The following PRCP variants were observed in gnomAD, a reference collection of about 807,000 sequenced individuals.
PRCP encodes the protein prolylcarboxypeptidase, also known as lysosomal Pro-X carboxypeptidase.
In PRCP, 46 loss-of-function variants were observed where a neutral mutation model predicts 54.2. That is an observed-to-expected ratio of 0.85 (90% CI 0.67 to 1.09). PRCP has a LOEUF of 1.09. Ranked by LOEUF, PRCP falls within the 50% of genes least tolerant of loss-of-function variation. The pLI is 0.00. For synonymous variants in PRCP, 240 were observed against 212.2 expected, an observed-to-expected ratio of 1.13 and a Z score of -1.14; for missense variants, 613 against 596.8, an observed-to-expected ratio of 1.03 and a Z score of -0.28.
At chr11:82,893,324 C>A (rs1000074086) in intron 1 of PRCP, among the ~76,000 whole-genome samples, 5 of 152,138 alleles carry the variant, frequency 3.3e-5, no homozygotes, top group Non-Finnish European at 5.9e-5. Flanking sequence ...GGTTAAGTGA[C>A]CGAAATTCAT....
intron 1 of PRCP, among the ~76,000 whole-genome samples, chr11:82,877,284 G>A (rs1481585699): frequency 6.6e-6 from 1 of 152,244 alleles, no homozygotes; most frequent in Non-Finnish European, 1.5e-5. Context: ...GCCTGACGAT[G>A]CAGTAGAAAA....
At chr11:82,885,716 C>A (rs1859848488) in intron 1 of PRCP, among the ~76,000 whole-genome samples, 1 of 152,184 alleles carries the variant, frequency 6.6e-6, no homozygotes, top group Non-Finnish European at 1.5e-5. Flanking sequence ...ACCTTTCACT[C>A]TTCCAAGAGT....
chr11:82,860,109 A>G lies in PRCP; in HGVS notation c.177T>C (p.His59=). ...AAGTTTTCACAGTATTAAATCCAAA[A>G]TGATCAACCTGTGATAAAAACAAAA... ...SVLYFQQKVD[H]FGFNTVKTFN... Residue 59 remains histidine (H), a synonymous_variant, in exon 2 of 9, where the codon CAT becomes CAC. Coordinates refer to ENST00000313010, the MANE Select transcript of PRCP (RefSeq NM_005040.4). The G allele has an allele frequency of 6.6e-7, 1 of 1,518,910 alleles. No individual in the cohort carries two copies. The highest frequency in any genetic ancestry group is 8.9e-7 in the Non-Finnish European group (1 of 1,127,700). 94.1% of individuals were successfully genotyped at this position (1,518,910 alleles called of 1,614,324 possible). A position where few individuals can be genotyped will look rare whatever the true frequency, so the allele number is the denominator to read the frequency against.
intron 1 of PRCP, among the ~76,000 whole-genome samples, chr11:82,875,834 C>A (rs1463942758): frequency 6.6e-6 from 1 of 152,138 alleles, no homozygotes; most frequent in Non-Finnish European, 1.5e-5. Flanking sequence ...TAATGTCTGT[C>A]CTGGCACCCT....
chr11:82,850,706 A>G (rs995213210), intron 3 of PRCP, among the ~76,000 whole-genome samples: 1 of 152,246 alleles, frequency 6.6e-6, no homozygotes, highest in Non-Finnish European at 1.5e-5. Flanking sequence ...GTGGAAGAAC[A>G]TAATGTATTT....
At chr11:82,851,070 T>C (rs1374477317) in intron 3 of PRCP, among the ~76,000 whole-genome samples, 3 of 152,170 alleles carry the variant, frequency 2.0e-5, no homozygotes, top group African/African-American at 7.2e-5. Flanking sequence ...GAGACATTGA[T>C]CTTTGAGAAA....
chr11:82,832,709 T>A (rs1486579745), intron 8 of PRCP, among the ~76,000 whole-genome samples: 1 of 152,226 alleles, frequency 6.6e-6, no homozygotes, highest in Non-Finnish European at 1.5e-5. Flanking sequence ...TTAGTTTAAT[T>A]AGATCCCATT....
At position 82,824,616 on chromosome 11, in the gene PRCP, C is replaced by A; in HGVS notation, c.*290G>T. 3 of 370,976 alleles carry A rather than the reference C, an allele frequency of 8.1e-6. No individual in the cohort carries two copies. The highest frequency in any genetic ancestry group is 1.5e-5 in the Non-Finnish European group (3 of 200,760). The allele number at this position is 370,976 out of a possible 1,614,324, so 23.0% of individuals were successfully genotyped here. On this transcript the variant is annotated 3_prime_UTR_variant, in exon 9 of 9. Transcript: ENST00000313010. ...AGAGATACAAAGAAAGTAACTCTCC[C>A]TCTTATGAAAAGCAACCAGGAACTC...
intron 1 of PRCP, among the ~76,000 whole-genome samples, chr11:82,881,551 G>A (rs1206751361): frequency 2.0e-5 from 3 of 151,984 alleles, no homozygotes; most frequent in Non-Finnish European, 1.5e-5. Flanking sequence ...CAAAAGGAGA[G>A]GAGAAAAAAA....
rs564815634 is a variant in PRCP at position 82,894,598 on chromosome 11, T to C, written c.168+5637A>G. Among the ~76,000 whole-genome samples, 71 of 152,362 alleles carry C rather than the reference T, an allele frequency of 4.7e-4. 1 individual carries two copies. The highest frequency in any genetic ancestry group is 1.6e-3 in the African/African-American group (65 of 41,598). On this transcript the variant is annotated intron_variant, in intron 1 of 8. Coordinates refer to ENST00000313010, the MANE Select transcript of PRCP (RefSeq NM_005040.4). ...ACTTGCCCAAAAGTATGATGTGATT[T>C]AGTGGCAGGGCTGATCCTAGAACCC...
chr11:82,839,202 TACAGCA>T, intron 7 of PRCP, 53 bp downstream of exon 7: 1 of 1,539,880 alleles, frequency 6.5e-7, no homozygotes, highest in Middle Eastern at 1.7e-4. Context: ...GATTTTTTTT[TACAGCA>T]CAACTGTGTC....
chr11:82,864,534 T>A (rs1859287138), intron 1 of PRCP, among the ~76,000 whole-genome samples: 2 of 152,168 alleles, frequency 1.3e-5, no homozygotes, highest in South Asian at 4.1e-4. Context: ...CTCGAAGAGG[T>A]CACATGACTT....
chr11:82,874,193 GAC>G (rs1487049778), intron 1 of PRCP, among the ~76,000 whole-genome samples: 1 of 152,120 alleles, frequency 6.6e-6, no homozygotes, highest in African/African-American at 2.4e-5. Flanking sequence ...TTGCCACCAC[GAC>G]ACCAGATAAT....
intron 1 of PRCP, among the ~76,000 whole-genome samples, chr11:82,880,716 A>T (rs925002245): frequency 1.3e-5 from 2 of 152,190 alleles, no homozygotes; most frequent in African/African-American, 4.8e-5. Context: ...AAGCTCAACA[A>T]GCCCTGCTAT....
At chr11:82,829,634 T>C (rs1858328373) in intron 8 of PRCP, 1 of 152,232 alleles carries the variant, frequency 6.6e-6, no homozygotes, top group Non-Finnish European at 1.5e-5. Context: ...ATAAGTTCTA[T>C]CTTGTTTCAT....
intron 1 of PRCP, among the ~76,000 whole-genome samples, chr11:82,864,115 G>C (rs1459493102): frequency 3.3e-5 from 5 of 152,180 alleles, no homozygotes; most frequent in Admixed American, 3.3e-4. Flanking sequence ...TATCCCATTT[G>C]CACACCAATC....
intron 1 of PRCP, among the ~76,000 whole-genome samples, chr11:82,888,148 G>A (rs1591072694): frequency 1.3e-5 from 2 of 152,172 alleles, no homozygotes; most frequent in East Asian, 3.8e-4. Flanking sequence ...CTTATGATGG[G>A]TGAGAAAAAG....
At chr11:82,836,704 A>G (rs932364317) in intron 8 of PRCP, among the ~76,000 whole-genome samples, 12 of 152,080 alleles carry the variant, frequency 7.9e-5, no homozygotes, top group Non-Finnish European at 1.5e-4. Flanking sequence ...ACATGCCACC[A>G]TGCCAACTAA....
chr11:82,882,592 T>C (rs967365600), intron 1 of PRCP, among the ~76,000 whole-genome samples: 5 of 143,636 alleles, frequency 3.5e-5, no homozygotes, highest in Non-Finnish European at 7.5e-5. Flanking sequence ...GCCTCCCGGG[T>C]TCACGCCATT....
Sources: allele counts gnomAD v4.1 joint callset (sites outside exome capture counted in the v4.1 genomes callset), GRCh38; gene constraint gnomAD v4.1.1; transcripts MANE v1.5; gene names NCBI Gene and HGNC (gene_info 2026-07-23, HGNC 2026-07-21).